Variants in OLFM2 observed in about 807,000 individuals in gnomAD.
OLFM2 encodes olfactomedin 2.
A neutral mutation model predicts 43.9 loss-of-function variants in OLFM2; 20 were observed. The observed-to-expected ratio is 0.46, with a 90% CI of 0.32 to 0.66. The LOEUF is 0.66. Among genes scored for constraint, OLFM2 ranks in the 30% least tolerant of loss-of-function variants. The pLI is 0.04. For synonymous variants in OLFM2, 268 were observed against 278.6 expected, an observed-to-expected ratio of 0.96 and a Z score of 0.38; for missense variants, 416 against 643.6, an observed-to-expected ratio of 0.65 and a Z score of 3.83.
chr19:9,915,499 T>TTTTA (rs199778130), intron 1 of OLFM2, among the ~76,000 whole-genome samples: 6,181 of 67,590 alleles, frequency 0.091, 377 homozygotes, highest in East Asian at 0.42. Flanking sequence ...GGGACTTTTT[T>TTTTA]ATTTATTTAT....
intron 1 of OLFM2, among the ~76,000 whole-genome samples, chr19:9,922,303 A>G (rs1470035217): frequency 6.6e-6 from 1 of 152,056 alleles, no homozygotes; most frequent in Non-Finnish European, 1.5e-5. Context: ...CATTCCTACA[A>G]ATCAGTAAGA....
chr19:9,901,048 AAGGG>A (rs1309785326), intron 1 of OLFM2, among the ~76,000 whole-genome samples: 23 of 42,726 alleles, frequency 5.4e-4, no homozygotes, highest in African/African-American at 1.9e-3. Context: ...GGAGGGAGGG[AAGGG>A]AGGGAGGGAG....
chr19:9,901,746 C>T (rs904374640), intron 1 of OLFM2, among the ~76,000 whole-genome samples: 8 of 152,146 alleles, frequency 5.3e-5, no homozygotes, highest in Admixed American at 1.3e-4. Flanking sequence ...CAGATGTGGA[C>T]GCCTGTGTTG....
intron 1 of OLFM2, among the ~76,000 whole-genome samples, chr19:9,899,191 G>A (rs1293388524): frequency 6.6e-6 from 1 of 151,978 alleles, no homozygotes; most frequent in Non-Finnish European, 1.5e-5. Flanking sequence ...CTTGAACCCG[G>A]GAGGTGGAGG....
intron 1 of OLFM2, among the ~76,000 whole-genome samples, chr19:9,875,501 G>A (rs1268451811): frequency 7.1e-6 from 1 of 140,888 alleles, no homozygotes; most frequent in Non-Finnish European, 1.5e-5. Context: ...CGGGGATGAA[G>A]ATGAATTAGC....
At chr19:9,907,831 C>T (rs1213002820) in intron 1 of OLFM2, among the ~76,000 whole-genome samples, 1 of 151,916 alleles carries the variant, frequency 6.6e-6, no homozygotes, top group African/African-American at 2.4e-5. Context: ...TAGCAAAACC[C>T]CATCTCTACT....
intron 1 of OLFM2, among the ~76,000 whole-genome samples, chr19:9,906,331 G>A (rs557340914): frequency 1.3e-5 from 2 of 152,178 alleles, no homozygotes; most frequent in South Asian, 2.1e-4. Flanking sequence ...GAAGTGGCTC[G>A]CTTAATTAAT....
At chr19:9,888,340 T>C (rs1212436785) in intron 1 of OLFM2, among the ~76,000 whole-genome samples, 1 of 151,490 alleles carries the variant, frequency 6.6e-6, no homozygotes, top group Non-Finnish European at 1.5e-5. Flanking sequence ...CTGGCTAACA[T>C]GGTGAAACCC....
chr19:9,906,370 A>T lies in OLFM2; in HGVS notation c.63+29934T>A, dbSNP rs1056532632. 1.2e-4 allele frequency among the ~76,000 whole-genome samples: 19 copies of T among 152,072 alleles called. No individual in the cohort carries two copies. In the East Asian group the frequency reaches 3.7e-3, roughly 29 times the overall value. Reference sequence around the variant, plus strand: ...TCCTCATTGAGATATCTTTGCAAATATCCCTTTATCGAAGGACACCATTCC... The same window carrying T: ...TCCTCATTGAGATATCTTTGCAAATTTCCCTTTATCGAAGGACACCATTCC... On this transcript the variant is annotated intron_variant, in intron 1 of 5. Transcript: ENST00000264833.
At chr19:9,913,772 A>T in intron 1 of OLFM2, 6 of 489,544 alleles carry the variant, frequency 1.2e-5, no homozygotes, top group Non-Finnish European at 1.6e-5. Flanking sequence ...GGACGGGGTG[A>T]GGGGGGGCTC....
chr19:9,911,056 A>G (rs2046823510), intron 1 of OLFM2, among the ~76,000 whole-genome samples: 1 of 152,172 alleles, frequency 6.6e-6, no homozygotes, highest in African/African-American at 2.4e-5. Flanking sequence ...GGATGGATGG[A>G]TGGATGAAGA....
In OLFM2 at chr19:9,857,201, T is replaced by C; in HGVS notation, c.580+62A>G. On this transcript the variant is annotated intron_variant, in intron 4 of 5. Coordinates refer to ENST00000264833, the MANE Select transcript of OLFM2 (RefSeq NM_058164.4). The surrounding 1 kb of genome is among the most constrained non-coding windows in gnomAD (Gnocchi z 5.7). ...TGTCCAGCTTCTAGGCACAAACAGG[T>C]GATACTGGAGTTGGGTGTGGCAGTC... 6.8e-7 allele frequency: 1 copy of C among 1,464,586 alleles called. No homozygotes were observed. The highest frequency in any genetic ancestry group is 9.5e-7 in the Non-Finnish European group (1 of 1,048,680). The allele number at this position is 1,464,586 out of a possible 1,614,324, so 90.7% of individuals were successfully genotyped here.
At chr19:9,893,772 T>C (rs932558216) in intron 1 of OLFM2, among the ~76,000 whole-genome samples, 5 of 152,174 alleles carry the variant, frequency 3.3e-5, no homozygotes, top group South Asian at 4.1e-4. Context: ...AACGCCATCA[T>C]GTAAAATTCA....
At position 9,857,852 on chromosome 19, in the gene OLFM2, C is replaced by T. The variant is rs779239081; in HGVS notation, c.223G>A (p.Val75Ile). Residue 75 changes from valine (V) to isoleucine (I), a missense_variant, in exon 3 of 6, where the codon GTC becomes ATC. By Grantham distance (29) the Val-to-Ile change is conservative. Transcript: ENST00000264833. The surrounding 1 kb of genome is among the most constrained non-coding windows in gnomAD (Gnocchi z 5.7). ...TCAAGGACCTCCATGGACTGGGAGA[C>T]GTTCTGGACCTAGGAATGGGGACAA... ...LRQLMEKVQN[V>I]SQSMEVLELR... The T allele has an allele frequency of 2.4e-5, 38 of 1,613,924 alleles. 1 individual carries two copies. In the Middle Eastern group the frequency reaches 6.7e-4, roughly 28 times the overall value.
intron 2 of OLFM2, among the ~76,000 whole-genome samples, chr19:9,860,394 A>T (rs2145434065): frequency 6.6e-6 from 1 of 151,474 alleles, no homozygotes; most frequent in East Asian, 1.9e-4. Flanking sequence ...GGATTGCTTG[A>T]ACCTAGGAGT....
chr19:9,866,785 A>G (rs1264336671), intron 1 of OLFM2, among the ~76,000 whole-genome samples: 1 of 151,974 alleles, frequency 6.6e-6, no homozygotes, highest in Non-Finnish European at 1.5e-5. Flanking sequence ...GTGAGCTATC[A>G]CGACGGCCCT....
rs2046331965 is a variant in OLFM2 at position 9,857,602 on chromosome 19, G to A, written c.360+113C>T. The A allele has an allele frequency of 1.3e-6, 2 of 1,563,900 alleles. No homozygotes were observed. Among genetic ancestry groups the A allele is most frequent in the South Asian group, 1.1e-5 (1 of 89,390 alleles). On this transcript the variant is annotated intron_variant, in intron 3 of 5. Coordinates refer to ENST00000264833, the MANE Select transcript of OLFM2 (RefSeq NM_058164.4). This position sits in a 1 kb window ranked among gnomAD's most constrained non-coding sequence, Gnocchi z 5.7. ...TTGATGCACACCTGGCCCTTGACAT[G>A]TGGCTCATATTGGACCCTAGATTCT... is the stretch of plus-strand genomic sequence containing the variant.
intron 1 of OLFM2, among the ~76,000 whole-genome samples, chr19:9,871,106 C>T (rs1365171875): frequency 6.6e-6 from 1 of 151,890 alleles, no homozygotes; most frequent in African/African-American, 2.4e-5. Context: ...CCCATCTCTA[C>T]TAAAAATACA....
intron 1 of OLFM2, among the ~76,000 whole-genome samples, chr19:9,875,492 G>A (rs912958644): frequency 3.3e-5 from 5 of 150,260 alleles, no homozygotes; most frequent in Admixed American, 6.8e-5. Context: ...GGGCCTGGCC[G>A]GGGATGAAGA....
Sources: gnomAD v4.1 joint callset for allele counts (sites outside exome capture counted in the v4.1 genomes callset) on GRCh38, gnomAD v4.1.1 for gene constraint, Gnocchi (gnomAD v3.1) non-coding constraint, MANE v1.5 for transcripts, NCBI Gene and HGNC (gene_info 2026-07-23, HGNC 2026-07-21) for gene names.